RMI1: variants seen among roughly 807,000 people sequenced by gnomAD.
RMI1 encodes RecQ mediated genome instability 1, also known as recQ-mediated genome instability protein 1.
A neutral mutation model predicts 46.7 loss-of-function variants in RMI1; 36 were observed. The ratio of observed to expected loss-of-function variants is 0.77; its 90% confidence interval spans 0.59 to 1.02. The LOEUF (loss-of-function observed/expected upper bound fraction) is 1.02, where lower values mean the gene tolerates loss of function less well. Ranked by LOEUF, RMI1 falls within the 50% of genes least tolerant of loss-of-function variation. The pLI, the probability that RMI1 is intolerant of heterozygous loss-of-function variation, is 0.00. For synonymous variants in RMI1, 250 were observed against 252.9 expected (o/e 0.99, Z 0.11); for missense variants, 676 against 713.7 (o/e 0.95, Z 0.60).
chr9:83,991,301 T>C (rs984673318), intron 1 of RMI1, among the ~76,000 whole-genome samples: 3 of 149,258 alleles, frequency 2.0e-5, no homozygotes, highest in African/African-American at 7.3e-5. Flanking sequence ...TTTGATGTCA[T>C]TTTTCTTTTT....
intron 1 of RMI1, among the ~76,000 whole-genome samples, chr9:83,985,140 A>G (rs917959084): frequency 6.6e-6 from 1 of 152,228 alleles, no homozygotes; most frequent in African/African-American, 2.4e-5. Flanking sequence ...ATTAATATCC[A>G]GTCTAAACTT....
intron 1 of RMI1, among the ~76,000 whole-genome samples, chr9:83,995,449 CAA>C (rs1487540350): frequency 3.7e-5 from 5 of 135,942 alleles, no homozygotes; most frequent in African/African-American, 1.4e-4. Flanking sequence ...TTAATTGAGA[CAA>C]GAGTCTCACT....
At chr9:83,992,335 C>T (rs1367194785) in intron 1 of RMI1, among the ~76,000 whole-genome samples, 1 of 152,106 alleles carries the variant, frequency 6.6e-6, no homozygotes, top group Non-Finnish European at 1.5e-5. Context: ...AGTGCTGTAA[C>T]TCATGCCTGA....
At chr9:83,988,538 G>C (rs1475483342) in intron 1 of RMI1, among the ~76,000 whole-genome samples, 1 of 151,886 alleles carries the variant, frequency 6.6e-6, no homozygotes, top group African/African-American at 2.4e-5. Context: ...TCTCAGGCTC[G>C]AGCAATCTGC....
At chr9:83,981,355 A>G (rs1351585972) in intron 1 of RMI1, among the ~76,000 whole-genome samples, 1 of 152,236 alleles carries the variant, frequency 6.6e-6, no homozygotes, top group African/African-American at 2.4e-5. Context: ...ATGAATGCGT[A>G]TCGCTGAATA....
chr9:83,981,765 T>C (rs990441397), intron 1 of RMI1, among the ~76,000 whole-genome samples: 10 of 152,256 alleles, frequency 6.6e-5, no homozygotes, highest in African/African-American at 2.4e-4. Flanking sequence ...GATTCATTCC[T>C]GTTATAATGT....
intron 1 of RMI1, among the ~76,000 whole-genome samples, chr9:83,983,789 A>G (rs1459184020): frequency 6.6e-6 from 1 of 152,104 alleles, no homozygotes; most frequent in Non-Finnish European, 1.5e-5. Flanking sequence ...ATACAATGCT[A>G]ATCAGCTTTC....
At chr9:83,993,486 G>A (rs1301798686) in intron 1 of RMI1, among the ~76,000 whole-genome samples, 1 of 152,156 alleles carries the variant, frequency 6.6e-6, no homozygotes, top group African/African-American at 2.4e-5. Context: ...CCTGTTTTCA[G>A]TTCATTTGGA....
chr9:83,998,380 C>T (rs757307210), intron 1 of RMI1, among the ~76,000 whole-genome samples: 4 of 152,032 alleles, frequency 2.6e-5, no homozygotes, highest in Non-Finnish European at 4.4e-5. Flanking sequence ...AATAATGTAC[C>T]CACTGTTTAT....
rs75424930 is a variant in RMI1 at position 83,994,929 on chromosome 9, A to T, written c.-125-4780A>T. 8.0e-3 allele frequency among the ~76,000 whole-genome samples: 1,215 copies of T among 151,918 alleles called. 20 individuals carry two copies. Among genetic ancestry groups the T allele is most frequent in the African/African-American group, 0.028 (1,154 of 41,450 alleles). On this transcript the variant is annotated intron_variant, in intron 1 of 2. Transcript: ENST00000445877. ...ATGTTACTGTGTATAAGTGTAGATT[A>T]AAAAAATACTGATTAGCAGTAGAGA...
rs1236387795 is a variant in RMI1, at chr9:84,001,218, A to G, written c.232A>G (p.Lys78Glu). The G allele has an allele frequency of 1.1e-5, 17 of 1,614,016 alleles. No individual in the cohort carries two copies. Among genetic ancestry groups the G allele is most frequent in the East Asian group, 6.7e-5 (3 of 44,886 alleles). Residue 78 changes from lysine to glutamate, a missense_variant, in exon 3 of 3, where the codon AAA (lysine) becomes GAA (glutamate). Lys to Glu is a moderately conservative substitution (Grantham distance 56, BLOSUM62 1). Coordinates refer to ENST00000445877, the MANE Select transcript of RMI1 (RefSeq NM_001358291.2). The part of the protein sequence containing the change: ...LLPDGILEIP[K>E]GELNGFYALQ... Reference sequence around the variant, plus strand: ...ACCCGATGGCATTTTAGAAATTCCAAAAGGAGAATTAAATGGATTTTATGC... The same window carrying G: ...ACCCGATGGCATTTTAGAAATTCCAGAAGGAGAATTAAATGGATTTTATGC...
At position 84,002,262 on chromosome 9, in the gene RMI1, A is replaced by C; in HGVS notation, c.1276A>C (p.Lys426Gln). ...AGAAAAGAACTTAGAGACAGATAAT[A>C]AAATAAAACAAACCAGCAGTTCAGA... ...NKEKNLETDN[K>Q]IKQTSSSDSH... is the part of the protein sequence containing the mutation. Residue 426 changes from lysine to glutamine, a missense_variant, in exon 3 of 3, where the codon AAA becomes CAA. Transcript: ENST00000445877. 1 of 1,606,368 alleles carries C rather than the reference A, an allele frequency of 6.2e-7. No homozygotes were observed. The highest frequency in any genetic ancestry group is 1.7e-4 in the Middle Eastern group (1 of 5,988).
At chr9:83,982,969 G>A (rs1201333888) in intron 1 of RMI1, among the ~76,000 whole-genome samples, 2 of 152,154 alleles carry the variant, frequency 1.3e-5, no homozygotes, top group African/African-American at 4.8e-5. Flanking sequence ...CTCCAGTCTT[G>A]TGTAATTGGT....
chr9:83,997,107 C>CTTT (rs375763717), intron 1 of RMI1, among the ~76,000 whole-genome samples: 41 of 92,406 alleles, frequency 4.4e-4, no homozygotes, highest in East Asian at 8.7e-4. Context: ...AACACCCCCC[C>CTTT]CTTTTTTTTT....
chr9:83,981,769 A>G (rs1338650656), intron 1 of RMI1, among the ~76,000 whole-genome samples: 1 of 152,230 alleles, frequency 6.6e-6, no homozygotes, highest in Non-Finnish European at 1.5e-5. Flanking sequence ...CATTCCTGTT[A>G]TAATGTTTCC....
At chr9:83,986,589 T>C (rs1957493465) in intron 1 of RMI1, among the ~76,000 whole-genome samples, 1 of 152,240 alleles carries the variant, frequency 6.6e-6, no homozygotes, top group Non-Finnish European at 1.5e-5. Flanking sequence ...ACTCTTTCTA[T>C]CAAAAAATTA....
Position 84,002,699 on chromosome 9 carries a change from C to G in RMI1, c.1713C>G (p.Tyr571Ter). 2 of 1,613,822 alleles carry G rather than the reference C, an allele frequency of 1.2e-6. No homozygotes were observed. The highest frequency in any genetic ancestry group is 1.7e-6 in the Non-Finnish European group (2 of 1,179,906). Reference protein sequence around the residue: ...MKQSKKDPLQYQKFLEGLQKC... With the variant: ...MKQSKKDPLQ ...AGTCAAAAAAGGATCCTCTTCAATA[C>G]CAAAAGTTCCTGGAAGGGTTGCAGA... is the stretch of plus-strand genomic sequence containing the variant. The change falls in exon 3 of 3, where the codon TAC becomes TAG. Residue 571 changes from tyrosine to a stop codon, truncating the protein, a stop_gained. Coordinates refer to ENST00000445877, the MANE Select transcript of RMI1 (RefSeq NM_001358291.2). LOFTEE classifies it high-confidence loss of function.
At chr9:83,999,989 T>C (rs1957714275) in intron 2 of RMI1, among the ~76,000 whole-genome samples, 192 bp downstream of exon 2, 1 of 152,178 alleles carries the variant, frequency 6.6e-6, no homozygotes, top group African/African-American at 2.4e-5. Flanking sequence ...CTTTTGAAAA[T>C]ATTTAGCCCA....
At chr9:83,982,685 CAA>C (rs397967393) in intron 1 of RMI1, among the ~76,000 whole-genome samples, 1 of 143,484 alleles carries the variant, frequency 7.0e-6, no homozygotes, top group Non-Finnish European at 1.5e-5. Context: ...AAAACAAAAA[CAA>C]AAAAAAAAAC....
Sources: allele counts gnomAD v4.1 joint callset (sites outside exome capture counted in the v4.1 genomes callset), GRCh38; gene constraint gnomAD v4.1.1; transcripts MANE v1.5; gene names NCBI Gene and HGNC (gene_info 2026-07-23, HGNC 2026-07-21).